Variants in NOL4 observed in about 807,000 individuals in gnomAD.
NOL4 encodes the protein cancer/testis antigen 125.
In NOL4, 17 loss-of-function variants were observed where a neutral mutation model predicts 75.9. That is an observed-to-expected ratio of 0.22 (90% CI 0.15 to 0.34). The LOEUF is 0.34. Ranked by LOEUF, NOL4 falls within the 10% of genes least tolerant of loss-of-function variation. NOL4 has a pLI of 1.00. For missense variants in NOL4, 614 were observed against 793.5 expected, an observed-to-expected ratio of 0.77 and a Z score of 2.72; for synonymous variants, 292 against 289.9, an observed-to-expected ratio of 1.01 and a Z score of -0.07.
chr18:33,906,334 T>C (rs1295841855), intron 9 of NOL4, among the ~76,000 whole-genome samples: 2 of 152,114 alleles, frequency 1.3e-5, no homozygotes, highest in Non-Finnish European at 2.9e-5. Context: ...CCCCTTCCCT[T>C]AACATAAAAC....
chr18:34,095,027 G>A (rs2078706068), intron 4 of NOL4, among the ~76,000 whole-genome samples: 1 of 152,028 alleles, frequency 6.6e-6, no homozygotes, highest in Admixed American at 6.6e-5. Context: ...TAATAAATTG[G>A]CATTCTGATT....
intron 5 of NOL4, among the ~76,000 whole-genome samples, chr18:34,086,492 A>C (rs1396583955): frequency 6.6e-6 from 1 of 152,158 alleles, no homozygotes; most frequent in African/African-American, 2.4e-5. Context: ...AAAGTTAACC[A>C]CTGAATTTAA....
chr18:34,048,191 T>C (rs2076467225), intron 5 of NOL4, among the ~76,000 whole-genome samples: 1 of 152,122 alleles, frequency 6.6e-6, no homozygotes, highest in Admixed American at 6.6e-5. Flanking sequence ...CAAAAGCATA[T>C]AATATATTCT....
chr18:34,016,777 G>T (rs2074722260), intron 6 of NOL4, among the ~76,000 whole-genome samples: 1 of 151,988 alleles, frequency 6.6e-6, no homozygotes, highest in Non-Finnish European at 1.5e-5. Flanking sequence ...CCACAAGTTT[G>T]TCCCCACTGT....
intron 5 of NOL4, among the ~76,000 whole-genome samples, chr18:34,093,089 ATCTT>A (rs1328545637): frequency 3.9e-5 from 6 of 152,276 alleles, no homozygotes; most frequent in African/African-American, 1.4e-4. Context: ...ATCCAAATTA[ATCTT>A]TTGATCATAT....
chr18:33,952,483 C>T (rs1201077324), intron 8 of NOL4, among the ~76,000 whole-genome samples: 1 of 152,112 alleles, frequency 6.6e-6, no homozygotes, highest in Non-Finnish European at 1.5e-5. Flanking sequence ...CATATACATA[C>T]ATGATCACAT....
chr18:34,061,037 A>T (rs2077045554), intron 5 of NOL4, among the ~76,000 whole-genome samples: 1 of 152,206 alleles, frequency 6.6e-6, no homozygotes. Context: ...AATTACTTAG[A>T]GAAATGTCTG....
chr18:34,127,398 A>T (rs573343752), intron 2 of NOL4, among the ~76,000 whole-genome samples: 2 of 152,048 alleles, frequency 1.3e-5, no homozygotes, highest in South Asian at 2.1e-4. Flanking sequence ...TTTCTTGGCC[A>T]TGTAGGAAAA....
intron 1 of NOL4, among the ~76,000 whole-genome samples, chr18:34,199,262 T>C (rs1250450761): frequency 6.6e-6 from 1 of 151,304 alleles, no homozygotes; most frequent in African/African-American, 2.4e-5. Context: ...ACTTCATACC[T>C]TATGTGGTAC....
chr18:34,000,895 C>T (rs1239835216), intron 6 of NOL4, among the ~76,000 whole-genome samples: 1 of 151,972 alleles, frequency 6.6e-6, no homozygotes, highest in Non-Finnish European at 1.5e-5. Context: ...TATTAACATT[C>T]AAAAACATGA....
chr18:33,857,359 T>C (rs144368696), intron 10 of NOL4, among the ~76,000 whole-genome samples: 1 of 152,042 alleles, frequency 6.6e-6, no homozygotes, highest in Admixed American at 6.6e-5. Flanking sequence ...AAGAAGCTTA[T>C]AAGCAGTTTT....
chr18:34,187,370 CTTTTTTTTTTTTT>C (rs545524361), intron 1 of NOL4, among the ~76,000 whole-genome samples: 2 of 78,352 alleles, frequency 2.6e-5, no homozygotes, highest in Non-Finnish European at 4.5e-5. Context: ...TAGTCCACTT[CTTTTTTTTTTTTT>C]TTTTTTTTTT....
intron 5 of NOL4, among the ~76,000 whole-genome samples, chr18:34,088,714 T>TA (rs961891619): frequency 2.6e-5 from 4 of 151,390 alleles, no homozygotes; most frequent in Non-Finnish European, 3.0e-5. Flanking sequence ...TTTAAGTCTG[T>TA]AAAAAAAAAT....
chr18:34,173,859 C>A (rs1037287013), intron 1 of NOL4, among the ~76,000 whole-genome samples: 1 of 152,152 alleles, frequency 6.6e-6, no homozygotes, highest in Non-Finnish European at 1.5e-5. Context: ...GGAAAAGGAT[C>A]CTCTGAACAT....
intron 8 of NOL4, among the ~76,000 whole-genome samples, chr18:33,955,866 A>T (rs946021014): frequency 6.6e-6 from 1 of 152,120 alleles, no homozygotes; most frequent in African/African-American, 2.4e-5. Flanking sequence ...CAATAGATTG[A>T]GATTATTAAA....
chr18:34,148,702 G>A (rs2081514716), intron 1 of NOL4, among the ~76,000 whole-genome samples: 1 of 151,952 alleles, frequency 6.6e-6, no homozygotes, highest in Admixed American at 6.6e-5. Context: ...ATTTTAGGTG[G>A]AGAGTTCTGT....
chr18:33,940,866 C>T (rs1325776978), intron 9 of NOL4, among the ~76,000 whole-genome samples: 2 of 151,790 alleles, frequency 1.3e-5, no homozygotes, highest in East Asian at 1.9e-4. Flanking sequence ...ACCACTGGTC[C>T]TCATTCATTC....
intron 10 of NOL4, among the ~76,000 whole-genome samples, chr18:33,859,895 G>A (rs1473357134): frequency 6.6e-6 from 1 of 152,058 alleles, no homozygotes; most frequent in African/African-American, 2.4e-5. Flanking sequence ...TCCAGCCTGG[G>A]GGACAGAGTG....
chr18:34,154,635 A>G (rs1487867341), intron 1 of NOL4, among the ~76,000 whole-genome samples: 1 of 152,000 alleles, frequency 6.6e-6, no homozygotes, highest in Non-Finnish European at 1.5e-5. Context: ...TAATACTGCT[A>G]TAACGGTTTC....
Sources: allele counts gnomAD v4.1 joint callset (sites outside exome capture counted in the v4.1 genomes callset), GRCh38; gene constraint gnomAD v4.1.1; transcripts MANE v1.5; gene names NCBI Gene and HGNC (gene_info 2026-07-23, HGNC 2026-07-21).